CHRM1: variants seen among roughly 807,000 people sequenced by gnomAD.
The protein encoded by CHRM1 is muscarinic acetylcholine receptor M1.
A neutral mutation model predicts 31.6 loss-of-function variants in CHRM1; 5 were observed. The ratio of observed to expected loss-of-function variants is 0.16; its 90% CI spans 0.08 to 0.33. The LOEUF is 0.33. Among genes scored for constraint, CHRM1 ranks in the 10% least tolerant of loss-of-function variants. The pLI is 1.00. For synonymous variants in CHRM1, 227 were observed against 249.7 expected, an observed-to-expected ratio of 0.91 and a Z score of 0.86; for missense variants, 338 against 610.3, an observed-to-expected ratio of 0.55 and a Z score of 4.70.
intron 1 of CHRM1, among the ~76,000 whole-genome samples, chr11:62,919,770 G>C (rs753215161): frequency 1.4e-4 from 21 of 152,210 alleles, no homozygotes; most frequent in Non-Finnish European, 2.4e-4. Context: ...CATGGAGGCG[G>C]CAGCGCAGTG....
chr11:62,918,877 C>T (rs1377016484), intron 1 of CHRM1, among the ~76,000 whole-genome samples: 4 of 152,014 alleles, frequency 2.6e-5, no homozygotes, highest in East Asian at 1.9e-4. Context: ...CTGAACGTAC[C>T]GCTGGCCAAA....
Position 62,909,685 on chromosome 11 carries a change from G to T in CHRM1, c.*33C>A. On this transcript the variant is annotated 3_prime_UTR_variant, in exon 2 of 2. Coordinates refer to ENST00000306960, the MANE Select transcript of CHRM1 (RefSeq NM_000738.3). ...CCTCTTCCCACCGGCCTTTCCCGGGGACTGGGGTGGAGGGATGCAGGAGAG... is the reference window on the plus strand; with the variant it reads ...CCTCTTCCCACCGGCCTTTCCCGGGTACTGGGGTGGAGGGATGCAGGAGAG... 1 of 1,602,828 alleles carries T rather than the reference G, an allele frequency of 6.2e-7. No individual in the cohort carries two copies. Among genetic ancestry groups the T allele is most frequent in the Non-Finnish European group, 8.5e-7 (1 of 1,173,726 alleles).
chr11:62,913,850 ATT>A (rs36126486), intron 1 of CHRM1, among the ~76,000 whole-genome samples: 2 of 141,312 alleles, frequency 1.4e-5, no homozygotes, highest in African/African-American at 2.6e-5. Flanking sequence ...TGTTGTCTCC[ATT>A]TTTTTTTTTT....
At chr11:62,918,921 G>T (rs546046467) in intron 1 of CHRM1, among the ~76,000 whole-genome samples, 1 of 152,210 alleles carries the variant, frequency 6.6e-6, no homozygotes, top group East Asian at 1.9e-4. Context: ...ATGAGGGGAT[G>T]CTGGGGAAGA....
At chr11:62,916,244 C>T (rs191655631) in intron 1 of CHRM1, among the ~76,000 whole-genome samples, 39 of 152,302 alleles carry the variant, frequency 2.6e-4, no homozygotes, top group Non-Finnish European at 4.6e-4. Context: ...GTTGGACAAG[C>T]CTGGTGTCTG....
intron 1 of CHRM1, among the ~76,000 whole-genome samples, chr11:62,919,739 C>T (rs1273140237): frequency 6.6e-6 from 1 of 152,226 alleles, no homozygotes; most frequent in African/African-American, 2.4e-5. Flanking sequence ...GCCCCCTGCT[C>T]TCCCACCCCA....
At position 62,910,114 on chromosome 11, in the gene CHRM1, C is replaced by A; in HGVS notation, c.987G>T (p.Pro329=). 6.2e-7 allele frequency: 1 copy of A among 1,611,026 alleles called. No individual in the cohort carries two copies. Among genetic ancestry groups the A allele is most frequent in the East Asian group, 2.2e-5 (1 of 44,856 alleles). ...CAGCTCGATCACGCCCTTTCTTAGT[C>A]GGCCTCTTGACTGTATTTGGGGAGC... ...PRSSPNTVKR[P]TKKGRDRAGK... The change falls in exon 2 of 2, where the codon CCG becomes CCT. Residue 329 remains proline, a synonymous_variant. Coordinates refer to ENST00000306960, the MANE Select transcript of CHRM1 (RefSeq NM_000738.3). The surrounding 1 kb of genome is among the most constrained non-coding windows in gnomAD (Gnocchi z 8.7).
chr11:62,909,746 A>G lies in CHRM1; in HGVS notation c.1355T>C (p.Val452Ala). The G allele has an allele frequency of 1.2e-6, 2 of 1,614,012 alleles. No individual in the cohort carries two copies. Among genetic ancestry groups the G allele is most frequent in the South Asian group, 2.2e-5 (2 of 91,084 alleles). Reference protein sequence around the residue: ...WRKIPKRPGSVHRTPSRQC With the variant: ...WRKIPKRPGSAHRTPSRQC ...GCATTGGCGGGAGGGAGTGCGGTGC[A>G]CGGAGCCAGGGCGCTTGGGGATCTT... Residue 452 changes from valine (V) to alanine (A), a missense_variant, in exon 2 of 2, where the codon GTG (valine) becomes GCG (alanine). This residue lies in a region of CHRM1 where 68 missense variants were observed against 108.5 expected (regional missense o/e 0.63). Coordinates refer to ENST00000306960, the MANE Select transcript of CHRM1 (RefSeq NM_000738.3).
intron 1 of CHRM1, chr11:62,918,045 C>T (rs1288458306): frequency 6.6e-6 from 1 of 152,262 alleles, no homozygotes; most frequent in African/African-American, 2.4e-5. Context: ...CGAGACCAAC[C>T]TCTTGAACCC....
chr11:62,911,133 C>A lies in CHRM1; in HGVS notation c.-33G>T. On this transcript the variant is annotated 5_prime_UTR_variant, in exon 2 of 2. In the 5' UTR this introduces an upstream ATG that the reference lacks. Transcript: ENST00000306960. ...AGGTGGGGCTGGGGTTGGAGAGCCC[C>A]TTCCTCCAGGCACGCTACAGGGCTT... 2 of 1,600,390 alleles carry A rather than the reference C, an allele frequency of 1.2e-6. No individual in the cohort carries two copies. Among genetic ancestry groups the A allele is most frequent in the Non-Finnish European group, 1.7e-6 (2 of 1,172,250 alleles).
At chr11:62,914,605 G>A (rs893494123) in intron 1 of CHRM1, among the ~76,000 whole-genome samples, 1 of 152,200 alleles carries the variant, frequency 6.6e-6, no homozygotes, top group African/African-American at 2.4e-5. Context: ...TCTGAGCTTA[G>A]TGCTATTTAA....
chr11:62,912,604 C>T (rs1403919449), intron 1 of CHRM1, among the ~76,000 whole-genome samples: 2 of 152,158 alleles, frequency 1.3e-5, no homozygotes, highest in East Asian at 3.9e-4. Context: ...GGCACTAAGC[C>T]TGGGTAAAGA....
At chr11:62,916,180 G>C (rs2085899390) in intron 1 of CHRM1, among the ~76,000 whole-genome samples, 1 of 152,108 alleles carries the variant, frequency 6.6e-6, no homozygotes, top group Non-Finnish European at 1.5e-5. Context: ...TTCCCCTCCA[G>C]ACCCCAGGCA....
Position 62,910,135 on chromosome 11 carries a change from G to A in CHRM1, c.966C>T (p.Ser322=). ...TAGTCGGCCTCTTGACTGTATTTGG[G>A]GAGCTCCGTGGGGGCTGCTTGGTGG... is the stretch of plus-strand genomic sequence containing the variant. ...QAPTKQPPRS[S]PNTVKRPTKK... The change falls in exon 2 of 2, where the codon TCC becomes TCT. Residue 322 remains serine, a synonymous_variant. Transcript: ENST00000306960. The surrounding 1 kb of genome is among the most constrained non-coding windows in gnomAD (Gnocchi z 8.7). 6.2e-7 allele frequency: 1 copy of A among 1,608,562 alleles called. No homozygotes were observed. Among genetic ancestry groups the A allele is most frequent in the Non-Finnish European group, 8.5e-7 (1 of 1,177,468 alleles).
At chr11:62,913,407 C>T (rs1164678722) in intron 1 of CHRM1, among the ~76,000 whole-genome samples, 2 of 152,184 alleles carry the variant, frequency 1.3e-5, no homozygotes, top group Non-Finnish European at 2.9e-5. Context: ...TGCGGTGGCT[C>T]ACGCCTGTAA....
rs780914362 is a variant in CHRM1, at chr11:62,909,758, C to T, written c.1343G>A (p.Arg448His). ...DKRRWRKIPK[R>H]PGSVHRTPSR... ...GGGAGTGCGGTGCACGGAGCCAGGGCGCTTGGGGATCTTGCGCCAGCGTCT... is the reference window on the plus strand; with the variant it reads ...GGGAGTGCGGTGCACGGAGCCAGGGTGCTTGGGGATCTTGCGCCAGCGTCT... Residue 448 changes from arginine to histidine, a missense_variant, in exon 2 of 2, where the codon CGC becomes CAC. By Grantham distance (29) the Arg-to-His change is conservative. Around this residue, in one of 4 missense-constraint regions of CHRM1, gnomAD observed 68 missense variants for 108.5 expected, o/e 0.63. Coordinates refer to ENST00000306960, the MANE Select transcript of CHRM1 (RefSeq NM_000738.3). 13 of 1,613,956 alleles carry T rather than the reference C, an allele frequency of 8.1e-6. No homozygotes were observed. Among genetic ancestry groups the T allele is most frequent in the African/African-American group, 2.7e-5 (2 of 74,936 alleles).
Position 62,910,494 on chromosome 11 carries a change from C to T in CHRM1, c.607G>A (p.Val203Ile), listed in dbSNP as rs761028069. 2 of 1,614,184 alleles carry T rather than the reference C, an allele frequency of 1.2e-6. No individual in the cohort carries two copies. Among genetic ancestry groups the T allele is most frequent in the Non-Finnish European group, 1.7e-6 (2 of 1,180,036 alleles). Reference protein sequence around the residue: ...AMAAFYLPVTVMCTLYWRIYR... With the variant: ...AMAAFYLPVTIMCTLYWRIYR... ...ATGCGCCAGTAGAGCGTGCACATGA[C>T]TGTGACAGGGAGGTAGAAGGCAGCC... The change falls in exon 2 of 2, where the codon GTC becomes ATC. Residue 203 changes from valine to isoleucine, a missense_variant. By Grantham distance (29) the Val-to-Ile change is conservative. This residue lies in a region of CHRM1 where 183 missense variants were observed against 223.4 expected (regional missense o/e 0.82). Transcript: ENST00000306960. The surrounding 1 kb of genome is among the most constrained non-coding windows in gnomAD (Gnocchi z 8.7).
Position 62,911,120 on chromosome 11 carries a change from G to A in CHRM1, c.-20C>T. The A allele has an allele frequency of 6.2e-7, 1 of 1,607,698 alleles. No individual in the cohort carries two copies. Among genetic ancestry groups the A allele is most frequent in the South Asian group, 1.1e-5 (1 of 90,218 alleles). ...GTTCATGGTGGCTAGGTGGGGCTGG[G>A]GTTGGAGAGCCCCTTCCTCCAGGCA... On this transcript the variant is annotated 5_prime_UTR_variant, in exon 2 of 2. Coordinates refer to ENST00000306960, the MANE Select transcript of CHRM1 (RefSeq NM_000738.3).
chr11:62,909,681 CGGGGACT>C lies in CHRM1; in HGVS notation c.*30_*36del. ...CTGCCCTCTTCCCACCGGCCTTTCC[CGGGGACT>C]GGGGTGGAGGGATGCAGGAGAGGGG... On this transcript the variant is annotated 3_prime_UTR_variant, in exon 2 of 2. Transcript: ENST00000306960. The C allele has an allele frequency of 6.3e-7, 1 of 1,598,804 alleles. No homozygotes were observed. The highest frequency in any genetic ancestry group is 8.5e-7 in the Non-Finnish European group (1 of 1,171,842).
Sources: allele counts gnomAD v4.1 joint callset (sites outside exome capture counted in the v4.1 genomes callset), GRCh38; gene constraint gnomAD v4.1.1; regional missense constraint gnomAD v4.1.1; non-coding constraint Gnocchi (gnomAD v3.1); transcripts MANE v1.5; gene names NCBI Gene and HGNC (gene_info 2026-07-23, HGNC 2026-07-21).